Variants in EFHB observed in about 807,000 individuals in gnomAD.
EFHB encodes EF-hand domain family member B, also known as EF-hand domain-containing family member B.
EFHB carries 91 observed loss-of-function variants against 87.2 expected under a neutral mutation model. The observed-to-expected ratio is 1.04, with a 90% CI of 0.88 to 1.24. EFHB has a LOEUF of 1.24. Ranked by LOEUF, EFHB falls within the 50% of genes most tolerant of loss-of-function variation. EFHB has a pLI of 0.00. For missense variants in EFHB, 1,084 were observed against 998.8 expected (o/e 1.09, Z -1.15); for synonymous variants, 325 against 333.6 (o/e 0.97, Z 0.28).
chr3:19,894,741 C>T (rs1056352499), intron 9 of EFHB: 3 of 152,056 alleles, frequency 2.0e-5, no homozygotes, highest in Non-Finnish European at 4.4e-5. Context: ...GTAATCCCAA[C>T]ACTGGGAGGC....
chr3:19,896,550 A>G (rs777240484), intron 9 of EFHB, 137 bp downstream of exon 9: 15 of 1,150,858 alleles, frequency 1.3e-5, no homozygotes, highest in Non-Finnish European at 1.9e-5. Context: ...ATTGTGTTCC[A>G]GTAAAACTTT....
Position 19,898,779 on chromosome 3 carries a change from A to G in EFHB, c.1569T>C (p.Tyr523=). The change falls in exon 8 of 13, where the codon TAT becomes TAC. Residue 523 remains tyrosine, a splice_region_variant and synonymous_variant. Coordinates refer to ENST00000295824, the MANE Select transcript of EFHB (RefSeq NM_144715.4). ...TFGACLRPEE[Y]GVGDLIHNRL... Reference sequence around the variant, plus strand: ...TACGGAGAAAGTGTGTATATTTACCATATTCCTCAGGACGGAGACAAGCTC... The same window carrying G: ...TACGGAGAAAGTGTGTATATTTACCGTATTCCTCAGGACGGAGACAAGCTC... 6.2e-7 allele frequency: 1 copy of G among 1,613,366 alleles called. No homozygotes were observed. The highest frequency in any genetic ancestry group is 1.1e-5 in the South Asian group (1 of 90,882).
At chr3:19,925,197 C>A (rs991515392) in intron 1 of EFHB, among the ~76,000 whole-genome samples, 7 of 148,746 alleles carry the variant, frequency 4.7e-5, no homozygotes, top group Non-Finnish European at 8.9e-5. Flanking sequence ...AGCCGAGATC[C>A]GGCCACTGCA....
At chr3:19,920,378 C>T in intron 2 of EFHB, 127 bp downstream of exon 2, 1 of 780,124 alleles carries the variant, frequency 1.3e-6, no homozygotes, top group Non-Finnish European at 2.0e-6. Context: ...CCTCAAAATA[C>T]AGCAAAGAAT....
chr3:19,913,771 T>C (rs572195954), intron 5 of EFHB, among the ~76,000 whole-genome samples: 2 of 152,264 alleles, frequency 1.3e-5, no homozygotes, highest in Admixed American at 6.5e-5. Flanking sequence ...ATCACATTAC[T>C]TGACTTCAAA....
chr3:19,946,948 C>T (rs1696304806), exon 1 of EFHB: 1 of 152,470 alleles, frequency 6.6e-6, no homozygotes, highest in African/African-American at 2.4e-5. Context: ...GAAAGGCGGC[C>T]AGTTCGGATC....
intron 2 of EFHB, 56 bp downstream of exon 2, chr3:19,920,449 T>C: frequency 7.0e-7 from 1 of 1,423,408 alleles, no homozygotes; most frequent in Admixed American, 2.1e-5. Context: ...GCCTATTCCT[T>C]AATGTTCACA....
At chr3:19,914,364 G>A (rs1431239812) in intron 5 of EFHB, among the ~76,000 whole-genome samples, 1 of 152,112 alleles carries the variant, frequency 6.6e-6, no homozygotes, top group Non-Finnish European at 1.5e-5. Flanking sequence ...TTCTCAGGAC[G>A]TGTATCAGTC....
At position 19,879,764 on chromosome 3, in the gene EFHB, TCAGA is replaced by T. The variant is rs1409271747; in HGVS notation, c.2365_2368del (p.Ser789MetfsTer29). The T allele has an allele frequency of 6.2e-7, 1 of 1,608,476 alleles. No homozygotes were observed. The highest frequency in any genetic ancestry group is 1.1e-5 in the South Asian group (1 of 89,674). ...ATTCCATACATTTTCAAATTCTTCA[TCAGA>T]CAGTTTGACACCAATGTTACACAAT... On this transcript the variant is annotated frameshift_variant, in exon 13 of 13. Transcript: ENST00000295824. LOFTEE classifies it high-confidence loss of function.
At chr3:19,946,490 T>G (rs1351834879) in intron 1 of EFHB, among the ~76,000 whole-genome samples, 1 of 152,244 alleles carries the variant, frequency 6.6e-6, no homozygotes. Context: ...GCAGACACTA[T>G]TTTAGGATTT....
chr3:19,901,742 G>A (rs1343427621), intron 6 of EFHB, among the ~76,000 whole-genome samples: 1 of 152,190 alleles, frequency 6.6e-6, no homozygotes, highest in Non-Finnish European at 1.5e-5. Context: ...CTGAGGTCAG[G>A]AGTTCGAGAT....
chr3:19,940,532 T>TAC, intron 1 of EFHB: 1 of 506,682 alleles, frequency 2.0e-6, no homozygotes, highest in Non-Finnish European at 4.0e-6. Flanking sequence ...TCTTCAACAG[T>TAC]TGCTTCCATG....
At position 19,884,516 on chromosome 3, in the gene EFHB, C is replaced by A; in HGVS notation, c.2033G>T (p.Gly678Val). The change falls in exon 11 of 13, where the codon GGA becomes GTA. Residue 678 changes from glycine to valine, a missense_variant. Transcript: ENST00000295824. ...KPEDIVLKEA[G>V]STEKTLRTLL... ...TGTCCGGAGAGTCTTTTCTGTGCTT[C>A]CTGCTTCTTTTAAGACAATATCTTC... 4 of 1,613,916 alleles carry A rather than the reference C, an allele frequency of 2.5e-6. No individual in the cohort carries two copies. The highest frequency in any genetic ancestry group is 3.4e-6 in the Non-Finnish European group (4 of 1,179,878).
chr3:19,908,295 G>A (rs909769521), intron 5 of EFHB, among the ~76,000 whole-genome samples: 25 of 152,208 alleles, frequency 1.6e-4, no homozygotes, highest in South Asian at 8.3e-4. Flanking sequence ...CACTTTAGGA[G>A]GCCAAGGCAG....
intron 5 of EFHB, among the ~76,000 whole-genome samples, chr3:19,908,585 AG>A (rs1559459619): frequency 0.011 from 1,388 of 122,902 alleles, 21 homozygotes; most frequent in African/African-American, 0.049. Flanking sequence ...AGAGAGAGAG[AG>A]AGAGAGAGAG....
At chr3:19,941,598 T>G (rs1696159002) in intron 1 of EFHB, 1 of 152,678 alleles carries the variant, frequency 6.5e-6, no homozygotes, top group Non-Finnish European at 1.5e-5. Context: ...GGCTCACGCC[T>G]GTAATCCTAG....
At chr3:19,935,883 G>A (rs1174290229), upstream of EFHB, among the ~76,000 whole-genome samples, 3 of 151,506 alleles carry the variant, frequency 2.0e-5, no homozygotes, top group South Asian at 2.1e-4. Flanking sequence ...GATGGCAGGC[G>A]CCTGTAGTCC....
intron 6 of EFHB, among the ~76,000 whole-genome samples, chr3:19,905,344 C>T (rs1014520451): frequency 1.3e-4 from 20 of 151,868 alleles, no homozygotes; most frequent in Non-Finnish European, 2.2e-4. Flanking sequence ...TAAAGTTGAT[C>T]CCAGAGAATT....
At chr3:19,892,712 G>A (rs1251060627) in intron 9 of EFHB, among the ~76,000 whole-genome samples, 1 of 152,086 alleles carries the variant, frequency 6.6e-6, no homozygotes, top group Non-Finnish European at 1.5e-5. Flanking sequence ...TGTGAGAGCT[G>A]GGAGCAGTAG....
Sources: gnomAD v4.1 joint callset for allele counts (sites outside exome capture counted in the v4.1 genomes callset) on GRCh38, gnomAD v4.1.1 for gene constraint, MANE v1.5 for transcripts, NCBI Gene and HGNC (gene_info 2026-07-23, HGNC 2026-07-21) for gene names.